Variants in MGAT5 observed in about 807,000 individuals in gnomAD.
MGAT5 encodes the protein alpha-1,6-mannosylglycoprotein 6-beta-N-acetylglucosaminyltransferase A.
MGAT5 carries 30 observed loss-of-function variants against 94.3 expected under a neutral mutation model. That is an observed-to-expected ratio of 0.32 (90% CI 0.24 to 0.43). The LOEUF is 0.43. Ranked by LOEUF, MGAT5 falls within the 20% of genes least tolerant of loss-of-function variation. The pLI, the probability that MGAT5 is intolerant of heterozygous loss-of-function variation, is 1.00. For missense variants in MGAT5, 691 were observed against 905.5 expected, an observed-to-expected ratio of 0.76 and a Z score of 3.04; for synonymous variants, 310 against 322.9, an observed-to-expected ratio of 0.96 and a Z score of 0.43.
intron 4 of MGAT5, among the ~76,000 whole-genome samples, chr2:134,326,042 C>CTG: frequency 1.5e-5 from 2 of 130,956 alleles, no homozygotes; most frequent in Non-Finnish European, 1.6e-5. Flanking sequence ...TTCTCTTTCT[C>CTG]TCTCTCTCTC....
chr2:134,387,848 G>T (rs556699204), intron 10 of MGAT5, among the ~76,000 whole-genome samples: 8 of 152,206 alleles, frequency 5.3e-5, no homozygotes, highest in Non-Finnish European at 8.8e-5. Flanking sequence ...CCAAAGTCCA[G>T]TGATGGGAAT....
chr2:134,144,604 T>C (rs1392701365), intron 1 of MGAT5, among the ~76,000 whole-genome samples: 1 of 152,208 alleles, frequency 6.6e-6, no homozygotes, highest in Non-Finnish European at 1.5e-5. Context: ...TATAATCCTT[T>C]GGGGAATGGG....
At chr2:134,279,561 A>G (rs112822186) in intron 2 of MGAT5, among the ~76,000 whole-genome samples, 25 of 152,356 alleles carry the variant, frequency 1.6e-4, no homozygotes, top group African/African-American at 5.8e-4. Context: ...GAGACTATAT[A>G]TATCCCTGTC....
At chr2:134,374,696 A>G (rs961964952) in intron 10 of MGAT5, among the ~76,000 whole-genome samples, 6 of 152,194 alleles carry the variant, frequency 3.9e-5, no homozygotes, top group Admixed American at 1.3e-4. Context: ...TCTGCAGTCA[A>G]CATAATCAGG....
chr2:134,403,259 A>G, intron 11 of MGAT5, 122 bp downstream of exon 11: 1 of 1,001,986 alleles, frequency 1.0e-6, no homozygotes, highest in Non-Finnish European at 1.4e-6. Context: ...TTGGGGCAGC[A>G]GTTTGCTAGA....
intron 15 of MGAT5, among the ~76,000 whole-genome samples, chr2:134,443,117 T>TGTG (rs1346146615): frequency 6.6e-6 from 1 of 152,148 alleles, no homozygotes; most frequent in African/African-American, 2.4e-5. Context: ...AGGGAGAGTG[T>TGTG]GTGGCCTCTT....
chr2:134,362,561 G>A (rs770225145), intron 10 of MGAT5, among the ~76,000 whole-genome samples, 153 bp downstream of exon 10: 13 of 152,212 alleles, frequency 8.5e-5, no homozygotes, highest in Non-Finnish European at 1.8e-4. Flanking sequence ...CAGTTGCTCA[G>A]CATTTGGGTT....
At chr2:134,168,391 G>C (rs1011145867) in intron 1 of MGAT5, among the ~76,000 whole-genome samples, 1 of 152,146 alleles carries the variant, frequency 6.6e-6, no homozygotes, top group African/African-American at 2.4e-5. Context: ...GTATTTGGGG[G>C]ACACTTTTCA....
At chr2:134,349,982 A>G in intron 9 of MGAT5, 44 bp downstream of exon 9, 1 of 1,606,788 alleles carries the variant, frequency 6.2e-7, no homozygotes, top group Non-Finnish European at 8.5e-7. Flanking sequence ...ATGCCACCAA[A>G]GATAGATGGG....
intron 1 of MGAT5, among the ~76,000 whole-genome samples, chr2:134,260,527 G>A (rs1683257671): frequency 6.6e-6 from 1 of 152,072 alleles, no homozygotes. Context: ...TTTTGCAAGT[G>A]TTTCCTTCCA....
At position 134,268,673 on chromosome 2, in the gene MGAT5, T is replaced by C. The variant is rs558569695; in HGVS notation, c.242-1713T>C. Among the ~76,000 whole-genome samples the C allele has an allele frequency of 1.3e-5, 2 of 152,370 alleles. No individual in the cohort carries two copies. Among genetic ancestry groups the C allele is most frequent in the South Asian group, 4.1e-4 (2 of 4,828 alleles). ...CCAGTGAAAGGTTTTATTTTACTTATATATTTAACAGGCAGTTATGCAGTG... is the reference window on the plus strand; with the variant it reads ...CCAGTGAAAGGTTTTATTTTACTTACATATTTAACAGGCAGTTATGCAGTG... On this transcript the variant is annotated intron_variant, in intron 1 of 15. Coordinates refer to ENST00000281923, the MANE Select transcript of MGAT5 (RefSeq NM_002410.5). The surrounding 1 kb of genome is among the most constrained non-coding windows in gnomAD (Gnocchi z 4.1).
intron 1 of MGAT5, among the ~76,000 whole-genome samples, chr2:134,269,102 A>G (rs934164429): frequency 1.3e-5 from 2 of 152,218 alleles, no homozygotes; most frequent in African/African-American, 2.4e-5. Flanking sequence ...ACAGTTGTCC[A>G]TTTTGCATTG....
chr2:134,231,723 C>T (rs1196460377), intron 1 of MGAT5, among the ~76,000 whole-genome samples: 2 of 152,204 alleles, frequency 1.3e-5, no homozygotes, highest in African/African-American at 4.8e-5. Context: ...GGTTGAGTAG[C>T]TCTCTACCCA....
At chr2:134,426,223 T>TTCCTTCATTCCTTCCG (rs1684581030) in intron 13 of MGAT5, among the ~76,000 whole-genome samples, 1 of 152,176 alleles carries the variant, frequency 6.6e-6, no homozygotes, top group Admixed American at 6.5e-5. Flanking sequence ...CCTTCCTTCC[T>TTCCTTCATTCCTTCCG]TCCTTCATTC....
intron 1 of MGAT5, among the ~76,000 whole-genome samples, chr2:134,142,817 A>G (rs1485219795): frequency 6.6e-6 from 1 of 152,144 alleles, no homozygotes; most frequent in East Asian, 1.9e-4. Context: ...ACAAGGTCTC[A>G]CTGTGTTGCC....
intron 10 of MGAT5, among the ~76,000 whole-genome samples, chr2:134,381,410 A>AT (rs1478483429): frequency 2.1e-4 from 27 of 125,902 alleles, no homozygotes; most frequent in African/African-American, 7.6e-4. Flanking sequence ...AGATAGATAG[A>AT]TAGATAGATA....
intron 12 of MGAT5, among the ~76,000 whole-genome samples, chr2:134,417,977 C>T (rs1388588605): frequency 2.4e-4 from 37 of 152,018 alleles, no homozygotes; most frequent in Non-Finnish European, 1.5e-5. Context: ...TATATACAAG[C>T]CTTTGGGAAA....
At chr2:134,272,438 C>A (rs550114861) in intron 2 of MGAT5, among the ~76,000 whole-genome samples, 1 of 151,724 alleles carries the variant, frequency 6.6e-6, no homozygotes, top group South Asian at 2.1e-4. Flanking sequence ...ACCTCATTTG[C>A]ATGTCTTTGC....
intron 1 of MGAT5, among the ~76,000 whole-genome samples, chr2:134,240,259 G>A (rs1268443270): frequency 1.3e-5 from 2 of 152,126 alleles, no homozygotes; most frequent in African/African-American, 4.8e-5. Flanking sequence ...GGCCAAATGT[G>A]GGAATTTGGA....
Sources: allele counts gnomAD v4.1 joint callset (sites outside exome capture counted in the v4.1 genomes callset), GRCh38; gene constraint gnomAD v4.1.1; non-coding constraint Gnocchi (gnomAD v3.1); transcripts MANE v1.5; gene names NCBI Gene and HGNC (gene_info 2026-07-23, HGNC 2026-07-21).